The following STON2 variants were observed in gnomAD, a reference collection of about 807,000 sequenced individuals.
STON2 encodes the protein stonin 2.
A neutral mutation model predicts 65.7 loss-of-function variants in STON2; 29 were observed. That is an observed-to-expected ratio of 0.44 (90% CI 0.33 to 0.60). STON2 has a LOEUF of 0.60. Ranked by LOEUF, STON2 falls within the 20% of genes least tolerant of loss-of-function variation. The probability of loss-of-function intolerance (pLI) is 0.03; values close to 1 mark genes in which losing one functional copy is unlikely to be tolerated. For synonymous variants in STON2, 404 were observed against 414.2 expected (o/e 0.98, Z 0.30); for missense variants, 1,054 against 1,118.1 (o/e 0.94, Z 0.82).
Position 81,371,191 on chromosome 14 carries a change from G to C in STON2, c.374-6C>G. 1 of 1,613,348 alleles carries C rather than the reference G, an allele frequency of 6.2e-7. No individual in the cohort carries two copies. The highest frequency in any genetic ancestry group is 1.1e-5 in the South Asian group (1 of 90,936). On this transcript the variant is annotated splice_region_variant and splice_polypyrimidine_tract_variant and intron_variant, in intron 3 of 7. Transcript: ENST00000614646. Reference sequence around the variant, plus strand: ...GGGCATGGTCAATGGTAGGGCTGGGGAGAGACCAAAAACCAAAAGCATACA... The same window carrying C: ...GGGCATGGTCAATGGTAGGGCTGGGCAGAGACCAAAAACCAAAAGCATACA...
Position 81,265,789 on chromosome 14 carries a change from C to A in STON2, c.*2625G>T. 1.0e-6 allele frequency: 1 copy of A among 985,174 alleles called. No individual in the cohort carries two copies. Among genetic ancestry groups the A allele is most frequent in the Non-Finnish European group, 1.2e-6 (1 of 829,898 alleles). The allele number at this position is 985,174 out of a possible 1,614,324, so 61.0% of individuals were successfully genotyped here. A position where few individuals can be genotyped will look rare whatever the true frequency, so the allele number is the denominator to read the frequency against. On this transcript the variant is annotated 3_prime_UTR_variant, in exon 8 of 8. Transcript: ENST00000614646. The stretch of plus-strand genomic sequence containing the variant: ...ACAAAAAAGTCCAGGTGCATGTACA[C>A]AGGAAATGAGAATTTACCATGGGGG...
chr14:81,310,816 G>GA (rs1328359069), intron 5 of STON2, among the ~76,000 whole-genome samples: 3 of 152,162 alleles, frequency 2.0e-5, no homozygotes, highest in African/African-American at 7.2e-5. Flanking sequence ...CCTCAAGCCT[G>GA]AAAGTCCAGA....
chr14:81,344,033 T>G (rs1430005010), intron 4 of STON2, among the ~76,000 whole-genome samples: 1 of 152,110 alleles, frequency 6.6e-6, no homozygotes, highest in African/African-American at 2.4e-5. Context: ...AATTAACCAC[T>G]AGCTCATGGC....
At chr14:81,415,059 G>C (rs757009964) in intron 2 of STON2, among the ~76,000 whole-genome samples, 2 of 152,042 alleles carry the variant, frequency 1.3e-5, no homozygotes, top group African/African-American at 4.8e-5. Context: ...CTCCATGGCT[G>C]GTTGGGGACA....
intron 4 of STON2, among the ~76,000 whole-genome samples, chr14:81,368,953 T>C (rs1487756399): frequency 6.6e-6 from 1 of 152,184 alleles, no homozygotes; most frequent in Non-Finnish European, 1.5e-5. Context: ...ATCCACTCTA[T>C]CTGCTCTGGC....
rs1404525096 is a variant in STON2, at chr14:81,396,128, C to T, written c.139G>A (p.Glu47Lys). 8 of 1,614,034 alleles carry T rather than the reference C, an allele frequency of 5.0e-6. No homozygotes were observed. The East Asian group carries it at 6.7e-5, about 13-fold the overall frequency. The change falls in exon 3 of 8, where the codon GAG becomes AAG. Residue 47 changes from glutamate to lysine, a missense_variant. By Grantham distance (56) the Glu-to-Lys change is moderately conservative. Transcript: ENST00000614646. ...PGLSSSPDQS[E>K]SSSGENHVVD... ...ACATGGTTCTCCCCGGAGGAGCTCTCGGACTGGTCTGGGGAAGATGACAGT... is the reference window on the plus strand; with the variant it reads ...ACATGGTTCTCCCCGGAGGAGCTCTTGGACTGGTCTGGGGAAGATGACAGT...
At chr14:81,341,517 G>T (rs1408381447) in intron 4 of STON2, among the ~76,000 whole-genome samples, 1 of 143,036 alleles carries the variant, frequency 7.0e-6, no homozygotes, top group South Asian at 2.2e-4. Context: ...CACAAGGGAA[G>T]CAAGCCAAGA....
chr14:81,384,417 G>A (rs998256089), intron 3 of STON2, among the ~76,000 whole-genome samples: 1 of 151,770 alleles, frequency 6.6e-6, no homozygotes, highest in Non-Finnish European at 1.5e-5. Flanking sequence ...TGTATTTTTA[G>A]TAGAGACAGG....
At chr14:81,414,349 G>A (rs892437115) in intron 2 of STON2, among the ~76,000 whole-genome samples, 7 of 152,134 alleles carry the variant, frequency 4.6e-5, no homozygotes, top group South Asian at 2.1e-4. Context: ...GGGAGAAGCC[G>A]TAGCAAAAGA....
At chr14:81,378,966 T>C (rs955413967) in intron 3 of STON2, among the ~76,000 whole-genome samples, 1 of 144,210 alleles carries the variant, frequency 6.9e-6, no homozygotes, top group Non-Finnish European at 1.5e-5. Flanking sequence ...TAATTAACCC[T>C]TGGAGATTCT....
chr14:81,367,626 G>A (rs1212669851), intron 4 of STON2, among the ~76,000 whole-genome samples: 1 of 152,138 alleles, frequency 6.6e-6, no homozygotes, highest in Non-Finnish European at 1.5e-5. Context: ...TTCAAAGCCA[G>A]AGCTCTACCC....
chr14:81,369,450 A>G (rs76693080), intron 4 of STON2, among the ~76,000 whole-genome samples: 360 of 152,314 alleles, frequency 2.4e-3, no homozygotes, highest in African/African-American at 8.3e-3. Context: ...AGGCAATGAA[A>G]AAACAGCCTC....
At chr14:81,348,410 G>T (rs56223983) in intron 4 of STON2, among the ~76,000 whole-genome samples, 41,811 of 151,754 alleles carry the variant, frequency 0.28, 6,077 homozygotes, top group South Asian at 0.35. Flanking sequence ...TCGGTAAATT[G>T]GCAGGATACA....
At chr14:81,271,011 G>C in intron 6 of STON2, 139 bp from the exon 7 acceptor site, 1 of 1,147,524 alleles carries the variant, frequency 8.7e-7, no homozygotes, top group East Asian at 2.7e-5. Context: ...TGTTGAGCAC[G>C]AGGATCCGCC....
chr14:81,391,198 C>T (rs963227895), intron 3 of STON2, among the ~76,000 whole-genome samples: 1 of 152,184 alleles, frequency 6.6e-6, no homozygotes, highest in African/African-American at 2.4e-5. Context: ...CATTACTCAG[C>T]TTAGTATTAC....
Position 81,261,608 on chromosome 14 carries a change from T to TTAC in STON2, c.*6803_*6805dup. The stretch of plus-strand genomic sequence containing the variant: ...TAACTTACAAATAGTCCCAGGATGT[T>TTAC]TACTGAGTGTCCTCCTTCAATTTTC... On this transcript the variant is annotated 3_prime_UTR_variant, in exon 8 of 8. Coordinates refer to ENST00000614646, the MANE Select transcript of STON2 (RefSeq NM_001394390.1). 1 of 586,612 alleles carries TTAC rather than the reference T, an allele frequency of 1.7e-6. No homozygotes were observed. Among genetic ancestry groups the TTAC allele is most frequent in the East Asian group, 3.4e-5 (1 of 29,288 alleles). The allele number at this position is 586,612 out of a possible 1,614,324, so 36.3% of individuals were successfully genotyped here. A position where few individuals can be genotyped will look rare whatever the true frequency, so the allele number is the denominator to read the frequency against.
intron 3 of STON2, among the ~76,000 whole-genome samples, chr14:81,382,222 A>AG (rs1595422541): frequency 6.8e-6 from 1 of 146,608 alleles, no homozygotes; most frequent in African/African-American, 2.7e-5. Context: ...CTGTCTCAAA[A>AG]AAAAAGAAAA....
intron 3 of STON2, among the ~76,000 whole-genome samples, chr14:81,384,396 C>T (rs1341480862): frequency 6.6e-6 from 1 of 151,804 alleles, no homozygotes; most frequent in Non-Finnish European, 1.5e-5. Flanking sequence ...TACAGGCGCC[C>T]GGCTAATTTT....
At chr14:81,297,917 C>A (rs978161963) in intron 5 of STON2, among the ~76,000 whole-genome samples, 8 of 152,154 alleles carry the variant, frequency 5.3e-5, no homozygotes, top group African/African-American at 1.9e-4. Flanking sequence ...CATGCCTGTA[C>A]TCCCAGCTAC....
Sources: gnomAD v4.1 joint callset for allele counts (sites outside exome capture counted in the v4.1 genomes callset) on GRCh38, gnomAD v4.1.1 for gene constraint, MANE v1.5 for transcripts, NCBI Gene and HGNC (gene_info 2026-07-23, HGNC 2026-07-21) for gene names.